The following DAB1 variants were observed in gnomAD, a reference collection of about 807,000 sequenced individuals.
DAB1 encodes DAB adaptor protein 1.
In DAB1, 15 loss-of-function variants were observed where a neutral mutation model predicts 64.6. The observed-to-expected ratio is 0.23, with a 90% CI of 0.16 to 0.36. DAB1 has a LOEUF of 0.36. DAB1 is among the 10% of genes least tolerant of loss of function. DAB1 has a pLI of 1.00. For missense variants in DAB1, 596 were observed against 706.7 expected, an observed-to-expected ratio of 0.84 and a Z score of 1.78; for synonymous variants, 235 against 251.9, an observed-to-expected ratio of 0.93 and a Z score of 0.64.
rs1467843133 is a variant in DAB1 at position 58,320,300 on chromosome 1, A to G, written n.309+23052T>C. 3.3e-5 allele frequency among the ~76,000 whole-genome samples: 5 copies of G among 152,382 alleles called. No individual in the cohort carries two copies. The East Asian group carries it at 7.7e-4, about 23-fold the overall frequency. On this transcript the variant is annotated intron_variant and non_coding_transcript_variant, in intron 4 of 20. Transcript: ENST00000485760. The stretch of plus-strand genomic sequence containing the variant: ...AGTAAGTTCTGAAAGCATCAGCAGT[A>G]TGAGTGAGAAACAGTGACTGACTAC...
chr1:58,224,237 A>G (rs1197640819), intron 4 of DAB1, among the ~76,000 whole-genome samples: 1 of 152,214 alleles, frequency 6.6e-6, no homozygotes. Flanking sequence ...ACCACACAGA[A>G]GTGCTAGGAG....
intron 7 of DAB1, among the ~76,000 whole-genome samples, chr1:57,435,046 C>CTTTTTTTTTTTTTTTTTTTT (rs71580850): frequency 2.8e-4 from 26 of 93,092 alleles, no homozygotes; most frequent in Non-Finnish European, 4.2e-4. Context: ...TTCTTTTTTT[C>CTTTTTTTTTTTTTTTTTTTT]TTTTTTTTTT....
intron 3 of DAB1, among the ~76,000 whole-genome samples, chr1:58,441,822 G>T (rs997703776): frequency 6.6e-6 from 1 of 152,152 alleles, no homozygotes; most frequent in Non-Finnish European, 1.5e-5. Context: ...TCCTCACTGG[G>T]AACAAGAGGA....
Position 57,283,071 on chromosome 1 carries a change from A to G in DAB1, c.67+7893T>C, listed in dbSNP as rs1428903922. ...ACCTAGTGTATGGCAACTCAGACAGACAAGCCCCATGACCTGGGGCAAGTC... is the reference window on the plus strand; with the variant it reads ...ACCTAGTGTATGGCAACTCAGACAGGCAAGCCCCATGACCTGGGGCAAGTC... On this transcript the variant is annotated intron_variant, in intron 2 of 14. Coordinates refer to ENST00000371236, the MANE Select transcript of DAB1 (RefSeq NM_001365792.1). 2.0e-5 allele frequency among the ~76,000 whole-genome samples: 3 copies of G among 152,230 alleles called. No individual in the cohort carries two copies. In the East Asian group the frequency reaches 5.8e-4, roughly 29 times the overall value.
chr1:58,146,968 G>A (rs1260183093), intron 5 of DAB1, among the ~76,000 whole-genome samples: 1 of 152,146 alleles, frequency 6.6e-6, no homozygotes, highest in African/African-American at 2.4e-5. Context: ...TGACAAGGAT[G>A]TAGAGAGACG....
chr1:58,341,490 C>T (rs1478433626), intron 4 of DAB1, among the ~76,000 whole-genome samples: 1 of 152,136 alleles, frequency 6.6e-6, no homozygotes, highest in Non-Finnish European at 1.5e-5. Flanking sequence ...GGAGTTTACA[C>T]AAAACATAAA....
intron 2 of DAB1, among the ~76,000 whole-genome samples, chr1:58,523,200 A>G (rs1196425661): frequency 6.6e-6 from 1 of 152,150 alleles, no homozygotes; most frequent in African/African-American, 2.4e-5. Context: ...TAAGATCTGT[A>G]TATTGAAACC....
chr1:57,053,688 A>ATATATATATATATTT (rs1447741565), intron 9 of DAB1, among the ~76,000 whole-genome samples: 7 of 71,398 alleles, frequency 9.8e-5, no homozygotes, highest in African/African-American at 3.3e-4. Context: ...ATATATATAT[A>ATATATATATATATTT]TTTTTTTTTT....
In DAB1 at chr1:58,003,317, T is replaced by C. The variant is rs1473887055; in HGVS notation, n.388-119155A>G. On this transcript the variant is annotated intron_variant and non_coding_transcript_variant, in intron 5 of 20. Transcript: ENST00000485760. ...CCTCAAAGAAGAAACCCGATTTTGA[T>C]GGCTTCTCTTTACTGACATGTTTTA... 2.0e-5 allele frequency among the ~76,000 whole-genome samples: 3 copies of C among 152,320 alleles called. No individual in the cohort carries two copies. The East Asian group carries it at 5.8e-4, about 29-fold the overall frequency.
At chr1:57,078,733 G>A (rs1652213098) in intron 4 of DAB1, among the ~76,000 whole-genome samples, 1 of 152,174 alleles carries the variant, frequency 6.6e-6, no homozygotes, top group South Asian at 2.1e-4. Context: ...TTTGTTATTG[G>A]TGGAAGTGTG....
At chr1:57,419,586 A>G (rs1022846734) in intron 1 of DAB1, among the ~76,000 whole-genome samples, 1 of 152,142 alleles carries the variant, frequency 6.6e-6, no homozygotes, top group East Asian at 1.9e-4. Flanking sequence ...AACTCTCAGA[A>G]TATCAATGAT....
intron 5 of DAB1, among the ~76,000 whole-genome samples, chr1:58,060,636 G>A (rs1188099777): frequency 3.3e-5 from 5 of 152,032 alleles, no homozygotes; most frequent in African/African-American, 7.2e-5. Flanking sequence ...TGGGGTTTTC[G>A]GGGTCTCCTG....
chr1:57,072,202 G>T, intron 5 of DAB1, 81 bp downstream of exon 5: 1 of 1,466,198 alleles, frequency 6.8e-7, no homozygotes, highest in Non-Finnish European at 9.4e-7. Context: ...CTGAGAGTGG[G>T]CCCTCAAAGA....
intron 7 of DAB1, among the ~76,000 whole-genome samples, chr1:57,568,379 G>T (rs2101526347): frequency 6.6e-6 from 1 of 152,304 alleles, no homozygotes; most frequent in East Asian, 1.9e-4. Flanking sequence ...AGGACTTCAT[G>T]TCTAAAACAC....
At chr1:58,042,137 G>A (rs941959244) in intron 5 of DAB1, among the ~76,000 whole-genome samples, 10 of 152,156 alleles carry the variant, frequency 6.6e-5, no homozygotes, top group African/African-American at 2.2e-4. Flanking sequence ...ATGAATAAAA[G>A]CACATAGCCA....
intron 6 of DAB1, among the ~76,000 whole-genome samples, chr1:57,819,293 C>G (rs528718773): frequency 4.7e-4 from 71 of 152,238 alleles, no homozygotes; most frequent in Non-Finnish European, 7.2e-4. Context: ...TGCATCCAGA[C>G]AGGGGTAGAA....
intron 5 of DAB1, among the ~76,000 whole-genome samples, chr1:58,079,790 A>C (rs1649883553): frequency 1.3e-5 from 2 of 151,966 alleles, no homozygotes. Context: ...AAGTGCTGGG[A>C]TTACAGGTGT....
At chr1:58,049,707 T>C (rs1006510379) in intron 5 of DAB1, among the ~76,000 whole-genome samples, 2 of 152,182 alleles carry the variant, frequency 1.3e-5, no homozygotes, top group African/African-American at 4.8e-5. Context: ...AGTCTTCTTA[T>C]CTGAAAAATA....
chr1:58,296,180 AG>A (rs769273035), intron 4 of DAB1, among the ~76,000 whole-genome samples: 3,649 of 136,314 alleles, frequency 0.027, 94 homozygotes, highest in Middle Eastern at 0.067. Flanking sequence ...GAAAAAAGAA[AG>A]AAAGAGAAAG....
Sources: allele counts gnomAD v4.1 joint callset (sites outside exome capture counted in the v4.1 genomes callset), GRCh38; gene constraint gnomAD v4.1.1; transcripts MANE v1.5; gene names NCBI Gene and HGNC (gene_info 2026-07-23, HGNC 2026-07-21).